PLEK2: variants seen among roughly 807,000 people sequenced by gnomAD.
PLEK2 encodes the protein pleckstrin 2.
PLEK2 carries 29 observed loss-of-function variants against 43.8 expected under a neutral mutation model. That is an observed-to-expected ratio of 0.66 (90% CI 0.49 to 0.90). PLEK2 has a LOEUF of 0.90. Among genes scored for constraint, PLEK2 ranks in the 40% least tolerant of loss-of-function variants. The probability of loss-of-function intolerance (pLI) is 0.00; values close to 1 mark genes in which losing one functional copy is unlikely to be tolerated. For missense variants in PLEK2, 398 were observed against 448.1 expected, an observed-to-expected ratio of 0.89 and a Z score of 1.01; for synonymous variants, 162 against 173.2, an observed-to-expected ratio of 0.94 and a Z score of 0.51.
rs1207459241 is a variant in PLEK2 at position 67,392,852 on chromosome 14, G to A, written c.482-3C>T. ...GAGCCAGTCCACCAGGGAGGAGCCT[G>A]GCCAAGGGCAGCACCAGTCAGGCGA... On this transcript the variant is annotated splice_region_variant and splice_polypyrimidine_tract_variant and intron_variant, in intron 4 of 8. Coordinates refer to ENST00000216446, the MANE Select transcript of PLEK2 (RefSeq NM_016445.3). The A allele has an allele frequency of 1.9e-6, 3 of 1,607,054 alleles. No individual in the cohort carries two copies. Among genetic ancestry groups the A allele is most frequent in the Non-Finnish European group, 2.6e-6 (3 of 1,175,342 alleles).
intron 1 of PLEK2, among the ~76,000 whole-genome samples, chr14:67,401,943 C>T (rs1377431442): frequency 6.6e-6 from 1 of 152,032 alleles, no homozygotes; most frequent in Non-Finnish European, 1.5e-5. Context: ...GCAGTCTGGC[C>T]AACATGGTGA....
rs115913423 is a variant in PLEK2 at position 67,394,900 on chromosome 14, C to G, written c.389+502G>C. 4.7e-3 allele frequency among the ~76,000 whole-genome samples: 714 copies of G among 152,218 alleles called. 6 individuals are homozygous for G. Among genetic ancestry groups the G allele is most frequent in the African/African-American group, 0.016 (681 of 41,532 alleles). On this transcript the variant is annotated intron_variant, in intron 3 of 8. Transcript: ENST00000216446. ...AGCAAGCATGTTAGCATGCTCAGCC[C>G]CCTCACTGTGTGATGCCCTGCACTG...
At chr14:67,400,471 T>C (rs2086040506) in intron 1 of PLEK2, among the ~76,000 whole-genome samples, 1 of 152,202 alleles carries the variant, frequency 6.6e-6, no homozygotes, top group African/African-American at 2.4e-5. Context: ...TCTCTACTGC[T>C]CTGCACATAG....
intron 7 of PLEK2, among the ~76,000 whole-genome samples, chr14:67,389,913 G>A (rs2139838963): frequency 6.6e-6 from 1 of 152,218 alleles, no homozygotes; most frequent in East Asian, 1.9e-4. Flanking sequence ...GTCAACTGGA[G>A]CTTTTTGGAG....
In PLEK2 at chr14:67,395,432, G is replaced by T. The variant is rs375905078; in HGVS notation, c.359C>A (p.Ser120Tyr). 2.6e-5 allele frequency: 42 copies of T among 1,614,006 alleles called. 1 individual carries two copies. The highest frequency in any genetic ancestry group is 3.4e-5 in the Non-Finnish European group (40 of 1,179,884). The change falls in exon 3 of 9, where the codon TCC (serine) becomes TAC (tyrosine). Residue 120 changes from serine (S) to tyrosine (Y), a missense_variant. By Grantham distance (144) the Ser-to-Tyr change is moderately radical. Coordinates refer to ENST00000216446, the MANE Select transcript of PLEK2 (RefSeq NM_016445.3). ...GCTGATGTGCGGGGGCAGCTTGAAG[G>T]AGTTTCTCAGGCTGTGCAGCTGCTG... Reference protein sequence around the residue: ...KVQQLHSLRNSFKLPPHISLH... With the variant: ...KVQQLHSLRNYFKLPPHISLH...
At chr14:67,403,852 G>A (rs1254862459) in intron 1 of PLEK2, among the ~76,000 whole-genome samples, 2 of 152,174 alleles carry the variant, frequency 1.3e-5, no homozygotes, top group Non-Finnish European at 2.9e-5. Context: ...AGGAGTTCAA[G>A]ACCAGTCTGG....
intron 1 of PLEK2, among the ~76,000 whole-genome samples, chr14:67,405,286 G>C (rs1211655371): frequency 6.7e-6 from 1 of 149,908 alleles, no homozygotes; most frequent in Non-Finnish European, 1.5e-5. Context: ...CTTGAGTACT[G>C]TTTTAGTTTG....
At chr14:67,401,349 C>T (rs930193140) in intron 1 of PLEK2, among the ~76,000 whole-genome samples, 2 of 151,618 alleles carry the variant, frequency 1.3e-5, no homozygotes, top group African/African-American at 4.8e-5. Context: ...AATAAATAAA[C>T]AAATAAATAA....
intron 1 of PLEK2, among the ~76,000 whole-genome samples, chr14:67,402,236 A>G (rs2086053137): frequency 6.6e-6 from 1 of 152,244 alleles, no homozygotes; most frequent in African/African-American, 2.4e-5. Flanking sequence ...GTTTCTGTCA[A>G]TTCCATGCAT....
chr14:67,411,169 G>C (rs2086112985), intron 1 of PLEK2, among the ~76,000 whole-genome samples: 1 of 149,348 alleles, frequency 6.7e-6, no homozygotes, highest in Admixed American at 6.7e-5. Context: ...GGTCAAATCA[G>C]GAAAAAATTT....
chr14:67,409,128 A>C (rs1409295094), intron 1 of PLEK2, among the ~76,000 whole-genome samples: 1 of 152,126 alleles, frequency 6.6e-6, no homozygotes, highest in Admixed American at 6.5e-5. Flanking sequence ...CTGTAGTCCC[A>C]GCTACTAGGG....
chr14:67,399,649 T>G (rs980160635), intron 1 of PLEK2, among the ~76,000 whole-genome samples: 3 of 146,626 alleles, frequency 2.0e-5, no homozygotes, highest in Non-Finnish European at 4.4e-5. Flanking sequence ...TAGGTGGTTC[T>G]CAGGTGGCAG....
rs114691010 is a variant in PLEK2, at chr14:67,398,024, G to C, written c.43-198C>G. On this transcript the variant is annotated intron_variant, in intron 1 of 8. Coordinates refer to ENST00000216446, the MANE Select transcript of PLEK2 (RefSeq NM_016445.3). ...GCACTGACCTTCTAGTTCCTATTTG[G>C]CCATTTCTCTGGTTTTAAATCTTGA... 3,440 of 404,508 alleles carry C rather than the reference G, an allele frequency of 8.5e-3. 98 individuals carry two copies. The highest frequency in any genetic ancestry group is 0.063 in the African/African-American group (3,068 of 49,070). 25.1% of individuals were successfully genotyped at this position (404,508 alleles called of 1,614,324 possible). A position where few individuals can be genotyped will look rare whatever the true frequency, so the allele number is the denominator to read the frequency against.
intron 1 of PLEK2, among the ~76,000 whole-genome samples, chr14:67,403,149 G>A (rs1818798694): frequency 6.6e-6 from 1 of 152,134 alleles, no homozygotes; most frequent in South Asian, 2.1e-4. Context: ...TTGTAGTTTT[G>A]ATTTGCATTT....
chr14:67,390,640 A>G (rs2085959249), intron 7 of PLEK2, 23 bp downstream of exon 7: 1 of 1,547,670 alleles, frequency 6.5e-7, no homozygotes, highest in Non-Finnish European at 8.9e-7. Context: ...TGGGACCAAC[A>G]TGGAGCCAGC....
At chr14:67,392,136 T>C (rs1186137102) in intron 6 of PLEK2, among the ~76,000 whole-genome samples, 190 bp downstream of exon 6, 2 of 152,154 alleles carry the variant, frequency 1.3e-5, no homozygotes, top group African/African-American at 4.8e-5. Context: ...TACACATGTG[T>C]GTGTGAGTGT....
intron 1 of PLEK2, among the ~76,000 whole-genome samples, chr14:67,400,127 G>A (rs1420635197): frequency 2.6e-5 from 4 of 152,172 alleles, no homozygotes; most frequent in African/African-American, 9.7e-5. Context: ...AGAAGGAATC[G>A]TCTGCACCAA....
intron 6 of PLEK2, among the ~76,000 whole-genome samples, chr14:67,391,287 G>T (rs567553947): frequency 6.6e-6 from 1 of 151,174 alleles, no homozygotes; most frequent in Non-Finnish European, 1.5e-5. Context: ...GTGTGTGTGT[G>T]TGTGTGTGTG....
At chr14:67,397,471 C>T (rs902538587) in intron 2 of PLEK2, among the ~76,000 whole-genome samples, 191 bp downstream of exon 2, 3 of 152,238 alleles carry the variant, frequency 2.0e-5, no homozygotes, top group Non-Finnish European at 2.9e-5. Context: ...AGATGAGGAA[C>T]GAAGGCTCAG....
Sources: allele counts gnomAD v4.1 joint callset (sites outside exome capture counted in the v4.1 genomes callset), GRCh38; gene constraint gnomAD v4.1.1; transcripts MANE v1.5; gene names NCBI Gene and HGNC (gene_info 2026-07-23, HGNC 2026-07-21).